TCF7: variants seen among roughly 807,000 people sequenced by gnomAD.
TCF7 encodes transcription factor 7, also known as T-cell-factor-7.
TCF7 carries 19 observed loss-of-function variants against 46.8 expected under a neutral mutation model. The ratio of observed to expected loss-of-function variants is 0.41; its 90% CI spans 0.28 to 0.60. The LOEUF (loss-of-function observed/expected upper bound fraction) is 0.60. TCF7 is among the 20% of genes least tolerant of loss of function. TCF7 has a pLI of 0.35. For missense variants in TCF7, 547 were observed against 504.6 expected (o/e 1.08, Z -0.81); for synonymous variants, 245 against 213.4 (o/e 1.15, Z -1.29).
chr5:134,115,741 A>G, intron 2 of TCF7, 168 bp from the exon 3 acceptor site: 2 of 1,447,452 alleles, frequency 1.4e-6, no homozygotes, highest in Admixed American at 2.7e-5. Context: ...CCTGCCCTCC[A>G]GGTCCTTCCC....
upstream of TCF7, among the ~76,000 whole-genome samples, chr5:134,113,316 G>T (rs1469096513): frequency 6.6e-6 from 1 of 152,242 alleles, no homozygotes. Flanking sequence ...GGTGGCGGGG[G>T]AGGGGGGTGT....
chr5:134,134,500 C>T (rs900171928), intron 3 of TCF7, among the ~76,000 whole-genome samples: 2 of 152,200 alleles, frequency 1.3e-5, no homozygotes, highest in Non-Finnish European at 1.5e-5. Flanking sequence ...GTCACGAGGC[C>T]TGGTCAGGGC....
In TCF7 at chr5:134,143,112, G is replaced by A. The variant is rs746919359; in HGVS notation, c.1026+12G>A. 3.3e-5 allele frequency: 52 copies of A among 1,593,684 alleles called. No individual in the cohort carries two copies. The East Asian group carries it at 1.1e-3, about 35-fold the overall frequency. ...CGCGGGACAACTACGTGAGTGCCTA[G>A]TGACACACAGCAGGGGTGGGCAGGG... On this transcript the variant is annotated intron_variant, in intron 8 of 9. Transcript: ENST00000342854.
intron 5 of TCF7, 47 bp downstream of exon 5, chr5:134,139,085 C>T: frequency 6.2e-7 from 1 of 1,602,008 alleles, no homozygotes; most frequent in South Asian, 1.1e-5. Context: ...CTGGTCAGAC[C>T]AAGACCTGCC....
Position 134,142,990 on chromosome 5 carries a change from C to T in TCF7, c.919-3C>T. ...CCCCACCTGCCCCTCTTCCCTGTTGCAGTGGCACGCGCTGTCGCGAGAAGA... is the reference window on the plus strand; with the variant it reads ...CCCCACCTGCCCCTCTTCCCTGTTGTAGTGGCACGCGCTGTCGCGAGAAGA... On this transcript the variant is annotated splice_region_variant and splice_polypyrimidine_tract_variant and intron_variant, in intron 7 of 9. Coordinates refer to ENST00000342854, the MANE Select transcript of TCF7 (RefSeq NM_003202.5). 3 of 1,613,494 alleles carry T rather than the reference C, an allele frequency of 1.9e-6. No individual in the cohort carries two copies. Among genetic ancestry groups the T allele is most frequent in the Non-Finnish European group, 2.5e-6 (3 of 1,179,670 alleles).
At chr5:134,143,810 C>T in intron 9 of TCF7, 170 bp downstream of exon 9, 2 of 703,178 alleles carry the variant, frequency 2.8e-6, no homozygotes, top group Non-Finnish European at 4.7e-6. Flanking sequence ...ATGCAAGAAA[C>T]AGCTATATTA....
At chr5:134,113,534 C>G (rs1407748832), upstream of TCF7, among the ~76,000 whole-genome samples, 16 of 152,244 alleles carry the variant, frequency 1.1e-4, no homozygotes, top group Non-Finnish European at 2.9e-5. Flanking sequence ...GGCCCTCCCC[C>G]AAATACCCTC....
At chr5:134,109,770 CAAAAA>C (rs59510685), upstream of TCF7, among the ~76,000 whole-genome samples, 1 of 140,280 alleles carries the variant, frequency 7.1e-6, no homozygotes, top group African/African-American at 2.8e-5. Flanking sequence ...GGCTCCATCT[CAAAAA>C]AAAAAAAAAA....
chr5:134,145,289 C>G, intron 9 of TCF7: 1 of 539,644 alleles, frequency 1.9e-6, no homozygotes, highest in Middle Eastern at 3.1e-4. Context: ...CATCCTGAGC[C>G]CTTAATCTGA....
rs904216980 is a variant in TCF7, at chr5:134,142,398, A to G, written c.755+94A>G. 4 of 1,141,736 alleles carry G rather than the reference A, an allele frequency of 3.5e-6. No homozygotes were observed. In the African/African-American group the frequency reaches 7.5e-5, roughly 21 times the overall value. The allele number at this position is 1,141,736 out of a possible 1,614,324, so 70.7% of individuals were successfully genotyped here. A position where few individuals can be genotyped will look rare whatever the true frequency, so the allele number is the denominator to read the frequency against. The stretch of plus-strand genomic sequence containing the variant: ...AGGACTGCCACGAGGTCCCTGCCTA[A>G]GCTGTTTCGTGCCTCTGGCTATGTT... On this transcript the variant is annotated intron_variant, in intron 6 of 9. Transcript: ENST00000342854.
At chr5:134,117,656 G>C (rs1235693825) in intron 3 of TCF7, among the ~76,000 whole-genome samples, 1 of 152,202 alleles carries the variant, frequency 6.6e-6, no homozygotes, top group East Asian at 1.9e-4. Flanking sequence ...GGACCATTTG[G>C]TGTCCTTTGG....
chr5:134,143,228 G>T (rs2149354963), intron 8 of TCF7, 128 bp downstream of exon 8: 7 of 1,005,708 alleles, frequency 7.0e-6, no homozygotes, highest in Non-Finnish European at 1.0e-5. Context: ...GGGCACGGAG[G>T]GTCCAAGGCC....
At position 134,148,055 on chromosome 5, in the gene TCF7, A is replaced by T. The variant is rs910333589; in HGVS notation, c.*1752A>T. On this transcript the variant is annotated 3_prime_UTR_variant, in exon 10 of 10. Coordinates refer to ENST00000342854, the MANE Select transcript of TCF7 (RefSeq NM_003202.5). ...AAAGCCTTTAGTTCCTACTTTAGCC[A>T]CTGGTTTCTCAGAATCCAAAGATCA... is the stretch of plus-strand genomic sequence containing the variant. 3 of 151,488 alleles carry T rather than the reference A, an allele frequency of 2.0e-5. No individual in the cohort carries two copies. Among genetic ancestry groups the T allele is most frequent in the Non-Finnish European group, 4.4e-5 (3 of 67,840 alleles). 9.4% of individuals were successfully genotyped at this position (151,488 alleles called of 1,614,324 possible). A position where few individuals can be genotyped will look rare whatever the true frequency, so the allele number is the denominator to read the frequency against.
At chr5:134,140,213 C>T (rs908482704) in intron 5 of TCF7, among the ~76,000 whole-genome samples, 6 of 152,170 alleles carry the variant, frequency 3.9e-5, no homozygotes, top group Non-Finnish European at 8.8e-5. Context: ...GGGTTCTGGG[C>T]ACCAGGGAAG....
rs528833757 is a variant in TCF7 at position 134,117,971 on chromosome 5, G to A, written c.441+1938G>A. On this transcript the variant is annotated intron_variant, in intron 3 of 9. Coordinates refer to ENST00000342854, the MANE Select transcript of TCF7 (RefSeq NM_003202.5). ...AGGACAGAGGCAGAGGTGTAAGTTG[G>A]AGTGACACTCAGTGAGGAAGCTGTA... Among the ~76,000 whole-genome samples, 3 of 152,320 alleles carry A rather than the reference G, an allele frequency of 2.0e-5. 1 individual carries two copies. In the South Asian group the frequency reaches 6.2e-4, roughly 32 times the overall value.
intron 3 of TCF7, 174 bp downstream of exon 3, chr5:134,116,207 A>G: frequency 7.3e-7 from 1 of 1,374,456 alleles, no homozygotes; most frequent in Non-Finnish European, 9.5e-7. Context: ...TTGCTGAAGG[A>G]AGGAGGGGCC....
At chr5:134,144,604 A>T in intron 9 of TCF7, 1 of 578,986 alleles carries the variant, frequency 1.7e-6, no homozygotes, top group South Asian at 2.0e-5. Flanking sequence ...ACCTTTCCTG[A>T]TATCTTGGCT....
chr5:134,115,247 G>A (rs1321402186), intron 1 of TCF7, 74 bp from the exon 2 acceptor site: 61 of 1,400,964 alleles, frequency 4.4e-5, no homozygotes, highest in Non-Finnish European at 5.6e-5. Context: ...AGCGCGCAGA[G>A]CGTCCCTGCC....
intron 3 of TCF7, chr5:134,137,844 A>G (rs1488318566): frequency 1.4e-5 from 6 of 415,668 alleles, no homozygotes; most frequent in African/African-American, 2.1e-5. Context: ...AGAAAGACCA[A>G]GAGGCTTTCT....
Sources: allele counts gnomAD v4.1 joint callset (sites outside exome capture counted in the v4.1 genomes callset), GRCh38; gene constraint gnomAD v4.1.1; transcripts MANE v1.5; gene names NCBI Gene and HGNC (gene_info 2026-07-23, HGNC 2026-07-21).